Variants in SLC71A2 observed in about 807,000 individuals in gnomAD.
SLC71A2 encodes solute carrier family 71 member 2.
chr9:94,453,681 C>G, the SLC71A2 span, among the ~76,000 whole-genome samples: 13 of 152,262 alleles, frequency 8.5e-5, no homozygotes, highest in African/African-American at 3.1e-4. Flanking sequence ...AACTGGTGAA[C>G]AGTTGTGATA....
chr9:94,447,133 A>G, the SLC71A2 span, among the ~76,000 whole-genome samples: 1 of 152,178 alleles, frequency 6.6e-6, no homozygotes, highest in African/African-American at 2.4e-5. Context: ...ATTACTGTGG[A>G]AATTTTTTTT....
the SLC71A2 span, among the ~76,000 whole-genome samples, chr9:94,425,753 T>C: frequency 1.8e-3 from 280 of 152,206 alleles, no homozygotes; most frequent in African/African-American, 6.4e-3. Flanking sequence ...CAGTCTAGTC[T>C]CCAGGCAAGA....
At chr9:94,377,784 T>C in the SLC71A2 span, among the ~76,000 whole-genome samples, 1 of 151,854 alleles carries the variant, frequency 6.6e-6, no homozygotes, top group East Asian at 1.9e-4. Flanking sequence ...ATCAAGTATT[T>C]ACTCCAAGAG....
chr9:94,444,360 AG>A, the SLC71A2 span, among the ~76,000 whole-genome samples: 1 of 152,240 alleles, frequency 6.6e-6, no homozygotes, highest in African/African-American at 2.4e-5. Flanking sequence ...ACAGCTGTCT[AG>A]TCAAAAAGCT....
the SLC71A2 span, among the ~76,000 whole-genome samples, chr9:94,455,139 G>T: frequency 8.4e-6 from 1 of 118,372 alleles, no homozygotes; most frequent in African/African-American, 3.6e-5. Context: ...AATTTCATTT[G>T]ATCCGCTTGC....
the SLC71A2 span, among the ~76,000 whole-genome samples, chr9:94,439,224 T>C: frequency 6.6e-6 from 1 of 151,912 alleles, no homozygotes; most frequent in Non-Finnish European, 1.5e-5. Context: ...TGGTGAGGCT[T>C]CCCTTGAACT....
the SLC71A2 span, among the ~76,000 whole-genome samples, chr9:94,417,853 ACCCCAC>A: frequency 5.6e-3 from 251 of 44,602 alleles, no homozygotes; most frequent in Middle Eastern, 0.014. Context: ...GCAAGTTCCC[ACCCCAC>A]CCCCCCCCCC....
chr9:94,393,199 C>CT, the SLC71A2 span, among the ~76,000 whole-genome samples: 1 of 101,058 alleles, frequency 9.9e-6, no homozygotes, highest in Non-Finnish European at 2.0e-5. Flanking sequence ...CCAACCTTAT[C>CT]TTTTTTTGAT....
At chr9:94,404,086 A>T in the SLC71A2 span, among the ~76,000 whole-genome samples, 1 of 152,170 alleles carries the variant, frequency 6.6e-6, no homozygotes, top group Non-Finnish European at 1.5e-5. Flanking sequence ...TCCACCCCAG[A>T]TGCTAATACC....
chr9:94,431,083 C>CA, the SLC71A2 span, among the ~76,000 whole-genome samples: 1 of 152,160 alleles, frequency 6.6e-6, no homozygotes, highest in African/African-American at 2.4e-5. Context: ...GAGGCCAAGG[C>CA]AGGCGGATCA....
chr9:94,451,616 A>G, the SLC71A2 span: 4 of 663,390 alleles, frequency 6.0e-6, no homozygotes, highest in Non-Finnish European at 1.0e-5. Flanking sequence ...AAATGCAGGA[A>G]GATATTCCCT....
the SLC71A2 span, among the ~76,000 whole-genome samples, chr9:94,408,272 A>G: frequency 3.3e-5 from 5 of 152,206 alleles, no homozygotes; most frequent in Non-Finnish European, 7.3e-5. Flanking sequence ...TCAAGTTAGT[A>G]TATTTTCAAC....
the SLC71A2 span, among the ~76,000 whole-genome samples, chr9:94,407,852 T>TC: frequency 2.0e-5 from 3 of 152,228 alleles, no homozygotes; most frequent in Admixed American, 6.5e-5. Context: ...AGTTTTAAGT[T>TC]ACACGTCACA....
the SLC71A2 span, among the ~76,000 whole-genome samples, chr9:94,412,996 G>C: frequency 4.6e-5 from 7 of 151,816 alleles, no homozygotes; most frequent in Non-Finnish European, 1.0e-4. Flanking sequence ...TATGAGATGT[G>C]ACATATTTTT....
At chr9:94,424,630 C>T in the SLC71A2 span, among the ~76,000 whole-genome samples, 3 of 151,234 alleles carry the variant, frequency 2.0e-5, no homozygotes, top group Non-Finnish European at 4.4e-5. Flanking sequence ...ATTTTATAAT[C>T]AGCTCTTCAA....
At chr9:94,393,893 A>T in the SLC71A2 span, among the ~76,000 whole-genome samples, 134 of 74,808 alleles carry the variant, frequency 1.8e-3, 46 homozygotes, top group African/African-American at 7.7e-3. Flanking sequence ...CATTCCGTGA[A>T]ATGAGAGCAA....
chr9:94,440,578 G>A, the SLC71A2 span, among the ~76,000 whole-genome samples: 1 of 151,804 alleles, frequency 6.6e-6, no homozygotes, highest in South Asian at 2.1e-4. Context: ...TTAGTCTTAA[G>A]TACACTAATA....
At chr9:94,425,309 A>G in the SLC71A2 span, among the ~76,000 whole-genome samples, 1 of 152,158 alleles carries the variant, frequency 6.6e-6, no homozygotes, top group Non-Finnish European at 1.5e-5. Flanking sequence ...GAATCAAACA[A>G]CAACAAAAAG....
At chr9:94,442,222 G>A in the SLC71A2 span, among the ~76,000 whole-genome samples, 50 of 152,292 alleles carry the variant, frequency 3.3e-4, no homozygotes, top group African/African-American at 1.0e-3. Context: ...CTGGAGTAGA[G>A]TAAGTTCTCA....
Sources: allele counts gnomAD v4.1 joint callset (sites outside exome capture counted in the v4.1 genomes callset), GRCh38; gene constraint gnomAD v4.1.1; transcripts MANE v1.5; gene names NCBI Gene and HGNC (gene_info 2026-07-23, HGNC 2026-07-21).